CMTM4: variants seen among roughly 807,000 people sequenced by gnomAD.
The protein encoded by CMTM4 is CKLF like MARVEL transmembrane domain containing 4, also known as CKLF-like MARVEL transmembrane domain-containing protein 4.
CMTM4 carries 8 observed loss-of-function variants against 19.0 expected under a neutral mutation model. The ratio of observed to expected loss-of-function variants is 0.42; its 90% CI spans 0.25 to 0.76. The LOEUF (loss-of-function observed/expected upper bound fraction) is 0.76. Ranked by LOEUF, CMTM4 falls within the 30% of genes least tolerant of loss-of-function variation. CMTM4 has a pLI of 0.27. For missense variants in CMTM4, 228 were observed against 290.2 expected, an observed-to-expected ratio of 0.79 and a Z score of 1.56; for synonymous variants, 106 against 121.1, an observed-to-expected ratio of 0.88 and a Z score of 0.82.
chr16:66,623,424 C>T lies in CMTM4; in HGVS notation c.442G>A (p.Gly148Arg), dbSNP rs138530024. 11 of 1,613,498 alleles carry T rather than the reference C, an allele frequency of 6.8e-6. No individual in the cohort carries two copies. In the African/African-American group the frequency reaches 9.3e-5, roughly 14 times the overall value. Reference sequence around the variant, plus strand: ...CTTACCACGGCAGCAATTTCTGCTCCGGCTCTATGGTTTAAAGCAGCCAGT... The same window carrying T: ...CTTACCACGGCAGCAATTTCTGCTCTGGCTCTATGGTTTAAAGCAGCCAGT... ...IVLAALNHRAGAEIAAVIFGF... is the reference protein window; with the variant it reads ...IVLAALNHRARAEIAAVIFGF... The change falls in exon 3 of 4, where the codon GGA (glycine) becomes AGA (arginine). Residue 148 changes from glycine to arginine, a missense_variant. Around this residue, in one of 3 missense-constraint regions of CMTM4, gnomAD observed 200 missense variants for 226.6 expected, o/e 0.88. Transcript: ENST00000394106.
Position 66,636,470 on chromosome 16 carries a change from C to T in CMTM4, c.298G>A (p.Val100Ile), listed in dbSNP as rs141261641. Residue 100 changes from valine (V) to isoleucine (I), a missense_variant, in exon 2 of 4, where the codon GTC (valine) becomes ATC (isoleucine). Val to Ile is a conservative substitution (Grantham distance 29, BLOSUM62 3). This residue lies in a region of CMTM4 where 200 missense variants were observed against 226.6 expected (regional missense o/e 0.88). Transcript: ENST00000394106. ...TTGAGACTGAACATAATCAGCAAGA[C>T]GCCAGTCACCACAAACGCACTGCAG... ...VSCSAFVVTG[V>I]LLIMFSLNLH... The T allele has an allele frequency of 1.1e-4, 180 of 1,614,082 alleles. No homozygotes were observed. The highest frequency in any genetic ancestry group is 1.3e-4 in the Non-Finnish European group (152 of 1,180,014).
chr16:66,664,033 G>A (rs2016548126), intron 1 of CMTM4, among the ~76,000 whole-genome samples: 1 of 152,194 alleles, frequency 6.6e-6, no homozygotes, highest in African/African-American at 2.4e-5. Flanking sequence ...AGGAGTTTGA[G>A]ACCAGCCTGG....
intron 2 of CMTM4, among the ~76,000 whole-genome samples, chr16:66,632,182 G>A (rs1384497226): frequency 6.6e-6 from 1 of 152,208 alleles, no homozygotes; most frequent in Non-Finnish European, 1.5e-5. Context: ...GAGTATGGCA[G>A]GAAGGACAGA....
chr16:66,652,819 T>A (rs955084645), intron 1 of CMTM4, among the ~76,000 whole-genome samples: 11 of 152,188 alleles, frequency 7.2e-5, no homozygotes, highest in African/African-American at 2.7e-4. Context: ...TGCACATGAT[T>A]TCAGAAAACC....
intron 2 of CMTM4, among the ~76,000 whole-genome samples, chr16:66,634,906 A>G (rs1197649062): frequency 6.6e-6 from 1 of 152,078 alleles, no homozygotes; most frequent in East Asian, 1.9e-4. Context: ...GGTCTGTCTG[A>G]CTCAATGCCT....
chr16:66,617,030 C>A lies in CMTM4; in HGVS notation c.*5028G>T. 1 of 343,024 alleles carries A rather than the reference C, an allele frequency of 2.9e-6. No homozygotes were observed. The highest frequency in any genetic ancestry group is 5.0e-5 in the East Asian group (1 of 20,058). The allele number at this position is 343,024 out of a possible 1,614,324, so 21.2% of individuals were successfully genotyped here. On this transcript the variant is annotated 3_prime_UTR_variant, in exon 4 of 4. Coordinates refer to ENST00000394106, the MANE Select transcript of CMTM4 (RefSeq NM_181521.3). ...CCCTAAATCCCATCAGCAAAGCTGA[C>A]TAAGGTGGTCTGAGATATGTTCTTA...
chr16:66,647,400 T>C (rs1362127889), intron 1 of CMTM4, among the ~76,000 whole-genome samples: 1 of 151,658 alleles, frequency 6.6e-6, no homozygotes, highest in Non-Finnish European at 1.5e-5. Flanking sequence ...CAAAAGAAAG[T>C]TCTCTTTTTA....
At chr16:66,627,257 T>C (rs2015761407) in intron 2 of CMTM4, among the ~76,000 whole-genome samples, 1 of 152,228 alleles carries the variant, frequency 6.6e-6, no homozygotes, top group Non-Finnish European at 1.5e-5. Flanking sequence ...ATATTTAACA[T>C]GTAAGGTACA....
chr16:66,696,696 G>A lies in CMTM4; in HGVS notation c.-171C>T. 1 of 173,008 alleles carries A rather than the reference G, an allele frequency of 5.8e-6. No homozygotes were observed. The highest frequency in any genetic ancestry group is 1.7e-4 in the South Asian group (1 of 6,020). 10.7% of individuals were successfully genotyped at this position (173,008 alleles called of 1,614,324 possible). On this transcript the variant is annotated 5_prime_UTR_variant, in exon 1 of 4. Transcript: ENST00000394106. This position sits in a 1 kb window ranked among gnomAD's most constrained non-coding sequence, Gnocchi z 4.3. ...CGCCCGCCGCCCGGCTGCGGCTGCGGCTCGGTCCGCTCGGGCTCGGCTCCC... is the reference window on the plus strand; with the variant it reads ...CGCCCGCCGCCCGGCTGCGGCTGCGACTCGGTCCGCTCGGGCTCGGCTCCC...
chr16:66,621,873 T>C lies in CMTM4; in HGVS notation c.*185A>G. The C allele has an allele frequency of 7.0e-7, 1 of 1,420,814 alleles. No individual in the cohort carries two copies. Among genetic ancestry groups the C allele is most frequent in the Non-Finnish European group, 9.2e-7 (1 of 1,090,260 alleles). The allele number at this position is 1,420,814 out of a possible 1,614,324, so 88.0% of individuals were successfully genotyped here. A position where few individuals can be genotyped will look rare whatever the true frequency, so the allele number is the denominator to read the frequency against. On this transcript the variant is annotated 3_prime_UTR_variant, in exon 4 of 4. Transcript: ENST00000394106. ...CCACAGCCCCAAACGCTGAGGAACG[T>C]GGGCCTCCCAACTCCACCGCGGACC...
the CMTM4 span, among the ~76,000 whole-genome samples, chr16:66,600,465 C>T: frequency 6.6e-6 from 1 of 152,098 alleles, no homozygotes; most frequent in Non-Finnish European, 1.5e-5. Context: ...TTTTTAATAA[C>T]ACCAATGGGA....
At chr16:66,603,445 C>T in the CMTM4 span, among the ~76,000 whole-genome samples, 4 of 151,962 alleles carry the variant, frequency 2.6e-5, no homozygotes, top group African/African-American at 4.8e-5. Context: ...GGTGCCACCA[C>T]GCCCAGCTAA....
intron 1 of CMTM4, among the ~76,000 whole-genome samples, chr16:66,654,009 G>A (rs930050706): frequency 6.6e-6 from 1 of 152,068 alleles, no homozygotes; most frequent in South Asian, 2.1e-4. Context: ...TGAAAGTGCT[G>A]GGATTAAAGG....
At chr16:66,614,371 A>T (rs2144765626), downstream of CMTM4, among the ~76,000 whole-genome samples, 1 of 152,354 alleles carries the variant, frequency 6.6e-6, no homozygotes, top group South Asian at 2.1e-4. This position sits in a 1 kb window ranked among gnomAD's most constrained non-coding sequence, Gnocchi z 4.9. Context: ...AGCCTCAGGC[A>T]GCCGGAACCC....
chr16:66,651,988 C>T (rs575313326), intron 1 of CMTM4, among the ~76,000 whole-genome samples: 32 of 152,274 alleles, frequency 2.1e-4, no homozygotes, highest in Middle Eastern at 3.4e-3. Context: ...CTAGCAGTGC[C>T]CAAGCTAGGA....
At chr16:66,635,453 C>T (rs2015972891) in intron 2 of CMTM4, among the ~76,000 whole-genome samples, 2 of 152,188 alleles carry the variant, frequency 1.3e-5, no homozygotes, top group Admixed American at 1.3e-4. Context: ...ACCAGGAGAG[C>T]AGCCCTGACA....
In CMTM4 at chr16:66,619,821, G is replaced by A. The variant is rs2015596274; in HGVS notation, c.*2237C>T. ...CTCACGGCACAAAGGATATTAAATA[G>A]TTACAGGGACATAAATAATTCTGAA... On this transcript the variant is annotated 3_prime_UTR_variant, in exon 4 of 4. Transcript: ENST00000394106. 1.0e-6 allele frequency: 1 copy of A among 985,258 alleles called. No homozygotes were observed. Among genetic ancestry groups the A allele is most frequent in the African/African-American group, 1.7e-5 (1 of 57,214 alleles). The allele number at this position is 985,258 out of a possible 1,614,324, so 61.0% of individuals were successfully genotyped here. A position where few individuals can be genotyped will look rare whatever the true frequency, so the allele number is the denominator to read the frequency against.
intron 1 of CMTM4, among the ~76,000 whole-genome samples, chr16:66,663,532 C>CT (rs1178140315): frequency 0.012 from 651 of 55,260 alleles, 133 homozygotes; most frequent in Non-Finnish European, 0.015. Flanking sequence ...TTTTCATTTG[C>CT]TTTTTTTTTT....
chr16:66,609,482 C>T, the CMTM4 span: 3 of 1,611,762 alleles, frequency 1.9e-6, no homozygotes, highest in African/African-American at 1.3e-5. The surrounding 1 kb of genome is among the most constrained non-coding windows in gnomAD (Gnocchi z 4.4). Context: ...TTGCTATCTC[C>T]ATCACGGCCA....
Sources: allele counts gnomAD v4.1 joint callset (sites outside exome capture counted in the v4.1 genomes callset), GRCh38; gene constraint gnomAD v4.1.1; regional missense constraint gnomAD v4.1.1; non-coding constraint Gnocchi (gnomAD v3.1); transcripts MANE v1.5; gene names NCBI Gene and HGNC (gene_info 2026-07-23, HGNC 2026-07-21).